Variants in MDGA2 observed in about 807,000 individuals in gnomAD.
MDGA2 encodes the protein MAM domain containing glycosylphosphatidylinositol anchor 2.
A neutral mutation model predicts 117.8 loss-of-function variants in MDGA2; 40 were observed. The ratio of observed to expected loss-of-function variants is 0.34; its 90% CI spans 0.26 to 0.44. The LOEUF (loss-of-function observed/expected upper bound fraction) is 0.44. Ranked by LOEUF, MDGA2 falls within the 20% of genes least tolerant of loss-of-function variation. MDGA2 has a pLI of 1.00. For synonymous variants in MDGA2, 452 were observed against 439.0 expected, an observed-to-expected ratio of 1.03 and a Z score of -0.37; for missense variants, 1,123 against 1,250.6, an observed-to-expected ratio of 0.90 and a Z score of 1.54.
intron 6 of MDGA2, among the ~76,000 whole-genome samples, chr14:47,084,498 T>TAA (rs35071143): frequency 2.1e-5 from 3 of 139,644 alleles, no homozygotes; most frequent in East Asian, 2.1e-4. Flanking sequence ...CAGCAAAAAT[T>TAA]AAAAAAAAAA....
intron 8 of MDGA2, among the ~76,000 whole-genome samples, chr14:47,019,838 CAA>C (rs565526563): frequency 2.2e-4 from 14 of 63,176 alleles, no homozygotes; most frequent in African/African-American, 1.2e-4. Context: ...GAGTCCGTCT[CAA>C]AAAAAAAAAA....
At chr14:47,651,436 G>A (rs1050969007) in intron 1 of MDGA2, among the ~76,000 whole-genome samples, 1 of 152,132 alleles carries the variant, frequency 6.6e-6, no homozygotes, top group African/African-American at 2.4e-5. Context: ...CTTAAAGGGA[G>A]AAGCAATTCA....
chr14:47,216,655 G>A (rs370111072), intron 3 of MDGA2, among the ~76,000 whole-genome samples: 1 of 152,054 alleles, frequency 6.6e-6, no homozygotes, highest in African/African-American at 2.4e-5. Flanking sequence ...AAAATTTCAT[G>A]ACCTAAACTA....
At chr14:47,045,534 C>A (rs150786711) in intron 7 of MDGA2, among the ~76,000 whole-genome samples, 2,576 of 151,278 alleles carry the variant, frequency 0.017, 98 homozygotes, top group African/African-American at 0.059. Flanking sequence ...TTTTCTGAAA[C>A]AACTAAGTAA....
chr14:47,402,332 C>CA (rs1555379802), intron 1 of MDGA2, among the ~76,000 whole-genome samples: 1 of 124,594 alleles, frequency 8.0e-6, no homozygotes, highest in Non-Finnish European at 1.7e-5. Context: ...CCCCAGAAAC[C>CA]CCCGCCCCCC....
At chr14:47,656,172 T>C (rs1897740172) in intron 1 of MDGA2, among the ~76,000 whole-genome samples, 1 of 152,160 alleles carries the variant, frequency 6.6e-6, no homozygotes, top group Non-Finnish European at 1.5e-5. Context: ...TAAGATCAAG[T>C]AGGTCCTGTA....
At chr14:47,249,100 C>A (rs919608298) in intron 2 of MDGA2, among the ~76,000 whole-genome samples, 1 of 151,798 alleles carries the variant, frequency 6.6e-6, no homozygotes, top group African/African-American at 2.4e-5. Context: ...TCACTGCAAC[C>A]TCCGCCTCTG....
intron 10 of MDGA2, among the ~76,000 whole-genome samples, chr14:46,916,602 G>A (rs928336291): frequency 6.6e-6 from 1 of 152,074 alleles, no homozygotes; most frequent in Non-Finnish European, 1.5e-5. Flanking sequence ...CATTTTGCAT[G>A]TAGAGATGTT....
At chr14:47,635,242 T>G (rs1204269565) in intron 1 of MDGA2, among the ~76,000 whole-genome samples, 1 of 152,126 alleles carries the variant, frequency 6.6e-6, no homozygotes, top group African/African-American at 2.4e-5. Flanking sequence ...GTCCAAGGAT[T>G]CTGTATCTCA....
rs1882101026 is a variant in MDGA2 at position 46,873,562 on chromosome 14, G to A, written c.2623C>T (p.Pro875Ser). ...CGAGCCTTTTCGCCTTCCAATCTGG[G>A]TCGTGATGTCTCAATGTACATATAA... ...GFYMYIETSR[P>S]RLEGEKARLL... Residue 875 changes from proline to serine, a missense_variant, in exon 14 of 17, where the codon CCC (proline) becomes TCC (serine). This residue lies in a region of MDGA2 where 890 missense variants were observed against 1,050.3 expected (regional missense o/e 0.85). Coordinates refer to ENST00000399232, the MANE Select transcript of MDGA2 (RefSeq NM_001113498.3). The A allele has an allele frequency of 6.2e-7, 1 of 1,612,156 alleles. No individual in the cohort carries two copies. The highest frequency in any genetic ancestry group is 1.7e-5 in the Admixed American group (1 of 59,792).
chr14:46,868,508 A>C (rs888413788), intron 14 of MDGA2, among the ~76,000 whole-genome samples: 2 of 151,866 alleles, frequency 1.3e-5, no homozygotes, highest in African/African-American at 4.8e-5. Flanking sequence ...ACTGGAACAG[A>C]CTATGAAGCT....
chr14:46,920,813 T>C lies in MDGA2; in HGVS notation c.2090-653A>G, dbSNP rs1019612597. On this transcript the variant is annotated intron_variant, in intron 9 of 16. Coordinates refer to ENST00000399232, the MANE Select transcript of MDGA2 (RefSeq NM_001113498.3). ...GAGTGATCCACTGTGTAGAAAACAA[T>C]TAGTGGAAATGAAAATTTGTGTTTG... 3.3e-5 allele frequency among the ~76,000 whole-genome samples: 5 copies of C among 152,152 alleles called. No homozygotes were observed. In the East Asian group the frequency reaches 9.6e-4, roughly 29 times the overall value.
chr14:46,841,949 G>T lies in MDGA2; in HGVS notation c.3060C>A (p.Ile1020=). 1 of 1,611,646 alleles carries T rather than the reference G, an allele frequency of 6.2e-7. No homozygotes were observed. The highest frequency in any genetic ancestry group is 8.5e-7 in the Non-Finnish European group (1 of 1,178,288). The change falls in exon 17 of 17, where the codon ATC becomes ATA. Residue 1020 remains isoleucine, a synonymous_variant. Transcript: ENST00000399232. Reference sequence around the variant, plus strand: ...GATAAGGTCACCTTCGAGGACTTAAGATAGAGATGAGGACGATAATGGGAA... The same window carrying T: ...GATAAGGTCACCTTCGAGGACTTAATATAGAGATGAGGACGATAATGGGAA... ...WLFPIIVLIS[I]LSPRR is the part of the protein sequence containing the mutation.
intron 5 of MDGA2, among the ~76,000 whole-genome samples, chr14:47,128,828 G>A (rs1882037703): frequency 6.6e-6 from 1 of 151,462 alleles, no homozygotes; most frequent in African/African-American, 2.4e-5. Context: ...CCAAGCAGCT[G>A]GGACTACAGT....
intron 10 of MDGA2, among the ~76,000 whole-genome samples, chr14:46,883,239 C>A (rs1482656429): frequency 6.6e-6 from 1 of 151,976 alleles, no homozygotes; most frequent in Non-Finnish European, 1.5e-5. Flanking sequence ...GTACTGTTAT[C>A]AAATTCATCA....
intron 1 of MDGA2, among the ~76,000 whole-genome samples, chr14:47,319,773 C>T (rs1418161358): frequency 6.6e-6 from 1 of 151,914 alleles, no homozygotes; most frequent in Non-Finnish European, 1.5e-5. Context: ...TGTAATATTA[C>T]CAAAAAAGGA....
chr14:46,936,568 G>A (rs945277475), intron 9 of MDGA2, among the ~76,000 whole-genome samples: 1 of 151,928 alleles, frequency 6.6e-6, no homozygotes, highest in Admixed American at 6.6e-5. Context: ...ATTTATTTTT[G>A]TTCATCTCTG....
At chr14:47,170,070 G>A (rs987469121) in intron 3 of MDGA2, among the ~76,000 whole-genome samples, 1 of 152,086 alleles carries the variant, frequency 6.6e-6, no homozygotes, top group Non-Finnish European at 1.5e-5. Context: ...TCAATCACCA[G>A]AATAACTCCT....
intron 1 of MDGA2, among the ~76,000 whole-genome samples, chr14:47,587,964 T>C (rs1408589252): frequency 1.3e-5 from 2 of 151,862 alleles, no homozygotes; most frequent in African/African-American, 2.4e-5. Context: ...TTCATATAAA[T>C]GAATTCATAT....
Sources: allele counts gnomAD v4.1 joint callset (sites outside exome capture counted in the v4.1 genomes callset), GRCh38; gene constraint gnomAD v4.1.1; regional missense constraint gnomAD v4.1.1; transcripts MANE v1.5; gene names NCBI Gene and HGNC (gene_info 2026-07-23, HGNC 2026-07-21).